Variants in CDH12 observed in about 807,000 individuals in gnomAD.
The protein encoded by CDH12 is cadherin 12.
In CDH12, 41 loss-of-function variants were observed where a neutral mutation model predicts 74.1. The ratio of observed to expected loss-of-function variants is 0.55; its 90% CI spans 0.43 to 0.72. The LOEUF is 0.72. Among genes scored for constraint, CDH12 ranks in the 30% least tolerant of loss-of-function variants. The pLI, the probability that CDH12 is intolerant of heterozygous loss-of-function variation, is 0.00. For missense variants in CDH12, 945 were observed against 977.2 expected (o/e 0.97, Z 0.44); for synonymous variants, 399 against 355.0 (o/e 1.12, Z -1.39).
chr5:22,796,514 C>CTTTTTTTTTTTT, intron 1 of CDH12, among the ~76,000 whole-genome samples: 1 of 59,754 alleles, frequency 1.7e-5, no homozygotes. Context: ...GATTTTTTAT[C>CTTTTTTTTTTTT]TTTTTTTTTT....
chr5:21,850,717 A>C (rs1750419519), intron 7 of CDH12, among the ~76,000 whole-genome samples: 1 of 151,490 alleles, frequency 6.6e-6, no homozygotes, highest in African/African-American at 2.4e-5. Flanking sequence ...TCATGTGGGC[A>C]AACTTTATCA....
chr5:22,015,635 T>C (rs77177707), intron 5 of CDH12, among the ~76,000 whole-genome samples: 109 of 152,252 alleles, frequency 7.2e-4, no homozygotes, highest in African/African-American at 2.4e-3. Context: ...AGACTGCAAA[T>C]GACTTTCAGC....
At chr5:22,063,988 TACACACACAC>T (rs10552100) in intron 5 of CDH12, among the ~76,000 whole-genome samples, 207 of 146,858 alleles carry the variant, frequency 1.4e-3, no homozygotes, top group Admixed American at 3.6e-3. Flanking sequence ...ATTATGGAGA[TACACACACAC>T]ACACACACAC....
Position 22,132,222 on chromosome 5 carries a change from G to A in CDH12, c.-186-53360C>T, listed in dbSNP as rs562958392. On this transcript the variant is annotated intron_variant, in intron 4 of 14. Transcript: ENST00000382254. ...CTGTTGAGTGGAAGCACCTGCTTGAGGGATGTACCAGTTTAGTTAGGAGGA... is the reference window on the plus strand; with the variant it reads ...CTGTTGAGTGGAAGCACCTGCTTGAAGGATGTACCAGTTTAGTTAGGAGGA... 2.8e-3 allele frequency among the ~76,000 whole-genome samples: 427 copies of A among 151,982 alleles called. 1 individual carries two copies. The highest frequency in any genetic ancestry group is 5.3e-3 in the Non-Finnish European group (357 of 67,948).
intron 10 of CDH12, among the ~76,000 whole-genome samples, chr5:21,785,005 G>A (rs377405409): frequency 1.1e-4 from 17 of 151,930 alleles, no homozygotes; most frequent in African/African-American, 3.1e-4. Context: ...CAAGTTCATC[G>A]GCATCATTTT....
chr5:22,712,081 A>G (rs2126975472), intron 1 of CDH12, among the ~76,000 whole-genome samples: 1 of 152,160 alleles, frequency 6.6e-6, no homozygotes, highest in African/African-American at 2.4e-5. Context: ...AACACAGTGT[A>G]GCACACACAG....
intron 1 of CDH12, among the ~76,000 whole-genome samples, chr5:22,660,511 G>C (rs531449818): frequency 6.6e-6 from 1 of 152,010 alleles, no homozygotes; most frequent in Non-Finnish European, 1.5e-5. Context: ...TCCTGGACTC[G>C]AGGGATCCTC....
chr5:22,638,109 G>A (rs1351138913), intron 1 of CDH12, among the ~76,000 whole-genome samples: 1 of 152,186 alleles, frequency 6.6e-6, no homozygotes, highest in Non-Finnish European at 1.5e-5. Context: ...GAAACTGAGA[G>A]TTTAATGAGG....
intron 1 of CDH12, among the ~76,000 whole-genome samples, chr5:22,537,878 C>T (rs925179502): frequency 2.6e-5 from 4 of 152,200 alleles, no homozygotes; most frequent in African/African-American, 9.7e-5. Flanking sequence ...TAAGAAAAGG[C>T]TGTGAATGAT....
intron 1 of CDH12, among the ~76,000 whole-genome samples, chr5:22,626,813 G>A (rs1236058983): frequency 6.6e-6 from 1 of 152,094 alleles, no homozygotes; most frequent in African/African-American, 2.4e-5. Context: ...TTGAGATTCA[G>A]GAGAAAGTTG....
In CDH12 at chr5:22,190,976, A is replaced by G. The variant is rs1318373243; in HGVS notation, c.-187+21522T>C. ...CTTGCCTCAATGTGGGAGTATCGTG[A>G]TATCTTTCTGAAGTAATGTAATAGT... On this transcript the variant is annotated intron_variant, in intron 4 of 14. Coordinates refer to ENST00000382254, the MANE Select transcript of CDH12 (RefSeq NM_004061.5). Among the ~76,000 whole-genome samples the G allele has an allele frequency of 3.3e-5, 5 of 152,174 alleles. No individual in the cohort carries two copies. In the East Asian group the frequency reaches 9.6e-4, roughly 29 times the overall value.
At chr5:21,833,845 A>C (rs926893248) in intron 8 of CDH12, among the ~76,000 whole-genome samples, 1 of 151,876 alleles carries the variant, frequency 6.6e-6, no homozygotes, top group African/African-American at 2.4e-5. Flanking sequence ...TCTTCAGGCA[A>C]ATATAATTTG....
intron 4 of CDH12, among the ~76,000 whole-genome samples, chr5:22,100,272 G>C (rs1484620595): frequency 2.0e-5 from 3 of 152,054 alleles, no homozygotes; most frequent in African/African-American, 4.8e-5. Context: ...TTAAACACTA[G>C]AGAAGTTTTC....
intron 8 of CDH12, among the ~76,000 whole-genome samples, chr5:21,833,267 TA>T (rs1243091458): frequency 3.7e-5 from 2 of 53,348 alleles, no homozygotes; most frequent in Non-Finnish European, 5.3e-5. Context: ...TAACATATAA[TA>T]TATATTATAT....
intron 4 of CDH12, among the ~76,000 whole-genome samples, chr5:22,093,884 T>C (rs1272436620): frequency 6.6e-6 from 1 of 152,152 alleles, no homozygotes; most frequent in Non-Finnish European, 1.5e-5. Flanking sequence ...TTGAAGCAAA[T>C]TAAATCAAAC....
chr5:22,735,404 C>T (rs1487024777), intron 1 of CDH12, among the ~76,000 whole-genome samples: 2 of 151,576 alleles, frequency 1.3e-5, no homozygotes, highest in Non-Finnish European at 2.9e-5. Flanking sequence ...TTTAAGAAGC[C>T]TTGGGAGAAA....
intron 6 of CDH12, among the ~76,000 whole-genome samples, chr5:21,870,199 G>A (rs1751543679): frequency 6.6e-6 from 1 of 152,100 alleles, no homozygotes. Context: ...TCTTTCTTTT[G>A]AAAATTGCCC....
At chr5:22,554,495 C>G (rs1047329807) in intron 1 of CDH12, among the ~76,000 whole-genome samples, 1 of 151,858 alleles carries the variant, frequency 6.6e-6, no homozygotes, top group African/African-American at 2.4e-5. Context: ...ATTTCTATAA[C>G]ACAAAAAAGA....
intron 4 of CDH12, among the ~76,000 whole-genome samples, chr5:22,128,060 C>T (rs1745981557): frequency 6.6e-6 from 1 of 151,876 alleles, no homozygotes; most frequent in Non-Finnish European, 1.5e-5. Context: ...TTCTGAGGTG[C>T]CAAAGATTGA....
Sources: allele counts gnomAD v4.1 joint callset (sites outside exome capture counted in the v4.1 genomes callset), GRCh38; gene constraint gnomAD v4.1.1; transcripts MANE v1.5; gene names NCBI Gene and HGNC (gene_info 2026-07-23, HGNC 2026-07-21).